TNFRSF11B: variants seen among roughly 807,000 people sequenced by gnomAD.
TNFRSF11B encodes TNF receptor superfamily member 11b.
In TNFRSF11B, 16 loss-of-function variants were observed where a neutral mutation model predicts 43.4. The observed-to-expected ratio is 0.37, with a 90% confidence interval of 0.25 to 0.56. TNFRSF11B has a LOEUF of 0.56. Ranked by LOEUF, TNFRSF11B falls within the 20% of genes least tolerant of loss-of-function variation. The pLI is 0.80. For synonymous variants in TNFRSF11B, 185 were observed against 181.8 expected, an observed-to-expected ratio of 1.02 and a Z score of -0.14; for missense variants, 444 against 490.1, an observed-to-expected ratio of 0.91 and a Z score of 0.89.
chr8:118,943,456 C>T (rs1339282313), intron 1 of TNFRSF11B, among the ~76,000 whole-genome samples: 1 of 152,044 alleles, frequency 6.6e-6, no homozygotes, highest in Non-Finnish European at 1.5e-5. Flanking sequence ...ACTCTGGGTT[C>T]AGGGTATCCA....
At chr8:118,937,500 G>T (rs763961662) in intron 1 of TNFRSF11B, among the ~76,000 whole-genome samples, 1 of 152,208 alleles carries the variant, frequency 6.6e-6, no homozygotes, top group African/African-American at 2.4e-5. Flanking sequence ...TACCAGTGGA[G>T]TTGCATGCTT....
chr8:118,951,770 G>A (rs200425980), intron 1 of TNFRSF11B, 22 bp downstream of exon 1: 39 of 1,582,324 alleles, frequency 2.5e-5, no homozygotes, highest in African/African-American at 5.4e-5. Context: ...CCGGGCACCC[G>A]TCGGCTGGCC....
At chr8:118,930,090 A>G (rs1244435695) in intron 2 of TNFRSF11B, among the ~76,000 whole-genome samples, 1 of 152,242 alleles carries the variant, frequency 6.6e-6, no homozygotes. Flanking sequence ...CAGGAGGGGA[A>G]AACACAGCCT....
At chr8:118,934,795 A>T (rs920294676) in intron 1 of TNFRSF11B, among the ~76,000 whole-genome samples, 1 of 152,188 alleles carries the variant, frequency 6.6e-6, no homozygotes, top group Admixed American at 6.5e-5. Context: ...GAATTCAGGA[A>T]ATCTCACAGG....
intron 1 of TNFRSF11B, among the ~76,000 whole-genome samples, chr8:118,947,894 G>A (rs1296281352): frequency 6.6e-6 from 1 of 152,140 alleles, no homozygotes; most frequent in Non-Finnish European, 1.5e-5. Flanking sequence ...ACAAAAAGAT[G>A]TCAGCATATC....
In TNFRSF11B at chr8:118,933,288, A is replaced by G; in HGVS notation, c.43T>C (p.Ser15Pro). The G allele has an allele frequency of 6.2e-7, 1 of 1,613,692 alleles. No individual in the cohort carries two copies. The highest frequency in any genetic ancestry group is 8.5e-7 in the Non-Finnish European group (1 of 1,180,026). The change falls in exon 2 of 5, where the codon TCC becomes CCC. Residue 15 changes from serine to proline, a missense_variant. Physicochemically the swap from Ser to Pro is moderately conservative, Grantham distance 74 (BLOSUM62 -1). Transcript: ENST00000297350. ...GTTTCCTGGGTGGTCCACTTAATGGAGATGTCCAGAAACTAGAAGGAGAAA... is the reference window on the plus strand; with the variant it reads ...GTTTCCTGGGTGGTCCACTTAATGGGGATGTCCAGAAACTAGAAGGAGAAA... ...LCCALVFLDISIKWTTQETFP... is the reference protein window; with the variant it reads ...LCCALVFLDIPIKWTTQETFP...
At chr8:118,935,901 T>G (rs1353103872) in intron 1 of TNFRSF11B, among the ~76,000 whole-genome samples, 2 of 152,082 alleles carry the variant, frequency 1.3e-5, no homozygotes, top group Non-Finnish European at 2.9e-5. Flanking sequence ...TTCCCACTGG[T>G]CTCCCTTTCC....
chr8:118,932,924 C>A lies in TNFRSF11B; in HGVS notation c.400+7G>T. On this transcript the variant is annotated splice_region_variant and intron_variant, in intron 2 of 4. Coordinates refer to ENST00000297350, the MANE Select transcript of TNFRSF11B (RefSeq NM_002546.4). Reference sequence around the variant, plus strand: ...CCTAATTAATTTTGCTGCACATTGACACGTACCAGCTTGCACCACTCCAAA... The same window carrying A: ...CCTAATTAATTTTGCTGCACATTGAAACGTACCAGCTTGCACCACTCCAAA... 1 of 1,614,116 alleles carries A rather than the reference C, an allele frequency of 6.2e-7. No individual in the cohort carries two copies. The highest frequency in any genetic ancestry group is 1.1e-5 in the South Asian group (1 of 91,080).
chr8:118,951,736 A>T, intron 1 of TNFRSF11B, 56 bp downstream of exon 1: 1 of 1,523,230 alleles, frequency 6.6e-7, no homozygotes, highest in Non-Finnish European at 8.9e-7. Flanking sequence ...TTGGGAGACC[A>T]GGTGGCAGCA....
rs374594601 is a variant in TNFRSF11B at position 118,926,582 on chromosome 8, T to A, written c.729A>T (p.Gln243His). 1.4e-4 allele frequency: 218 copies of A among 1,614,030 alleles called. No individual in the cohort carries two copies. Among genetic ancestry groups the A allele is most frequent in the Non-Finnish European group, 1.8e-4 (208 of 1,180,012 alleles). Residue 243 changes from glutamine (Q) to histidine (H), a missense_variant, in exon 4 of 5, where the codon CAA becomes CAT. By Grantham distance (24) the Gln-to-His change is conservative (BLOSUM62 0). Coordinates refer to ENST00000297350, the MANE Select transcript of TNFRSF11B (RefSeq NM_002546.4). ...NAESVERIKR[Q>H]HSSQEQTFQL... Reference sequence around the variant, plus strand: ...GGAAAGTCTGTTCTTGTGAGCTGTGTTGCCGTTTTATCCTCTCTACACTCT... The same window carrying A: ...GGAAAGTCTGTTCTTGTGAGCTGTGATGCCGTTTTATCCTCTCTACACTCT...
intron 1 of TNFRSF11B, among the ~76,000 whole-genome samples, chr8:118,945,477 T>C (rs1295071192): frequency 6.6e-6 from 1 of 152,084 alleles, no homozygotes; most frequent in Admixed American, 6.6e-5. Context: ...AATACACACA[T>C]TCATAACTTC....
At chr8:118,928,681 CAGAG>C (rs10554146) in intron 3 of TNFRSF11B, 53 bp downstream of exon 3, 3 of 1,583,456 alleles carry the variant, frequency 1.9e-6, no homozygotes, top group Non-Finnish European at 2.6e-6. Flanking sequence ...GTGTTCAACT[CAGAG>C]AGAGAGATGA....
At chr8:118,928,657 T>C in intron 3 of TNFRSF11B, 81 bp downstream of exon 3, 1 of 1,465,148 alleles carries the variant, frequency 6.8e-7, no homozygotes, top group Non-Finnish European at 9.5e-7. Flanking sequence ...ACCAAGAATG[T>C]GGCTGGAGGC....
intron 3 of TNFRSF11B, among the ~76,000 whole-genome samples, 200 bp from the exon 4 acceptor site, chr8:118,926,918 T>TTTG (rs2129882756): frequency 6.6e-6 from 1 of 152,368 alleles, no homozygotes; most frequent in East Asian, 1.9e-4. Context: ...TGTCTTCTAA[T>TTTG]GTTCTTTTTT....
chr8:118,924,610 GGTC>G lies in TNFRSF11B; in HGVS notation c.967_969del (p.Asp323del). The G allele has an allele frequency of 1.2e-6, 2 of 1,614,118 alleles. No homozygotes were observed. Among genetic ancestry groups the G allele is most frequent in the Non-Finnish European group, 1.7e-6 (2 of 1,180,028 alleles). ...CACAAACTGAGCAGCTTCAGGATCTGGTCACTGGGTTTGCATGCCTTTATTGTT... is the reference window on the plus strand; with the variant it reads ...CACAAACTGAGCAGCTTCAGGATCTGACTGGGTTTGCATGCCTTTATTGTT... On this transcript the variant is annotated inframe_deletion, in exon 5 of 5. Transcript: ENST00000297350.
At chr8:118,931,867 C>A (rs1812334444) in intron 2 of TNFRSF11B, among the ~76,000 whole-genome samples, 3 of 152,058 alleles carry the variant, frequency 2.0e-5, no homozygotes, top group Admixed American at 2.0e-4. Flanking sequence ...CTGTTCTCAA[C>A]CAGGAGTGAT....
intron 1 of TNFRSF11B, among the ~76,000 whole-genome samples, chr8:118,948,197 G>C (rs1812593836): frequency 6.6e-6 from 1 of 152,146 alleles, no homozygotes; most frequent in Admixed American, 6.5e-5. Context: ...AACATAAGGA[G>C]CAGCTAGACA....
intron 2 of TNFRSF11B, among the ~76,000 whole-genome samples, chr8:118,931,019 G>A (rs1165106716): frequency 6.6e-6 from 1 of 152,094 alleles, no homozygotes; most frequent in Non-Finnish European, 1.5e-5. Flanking sequence ...ATTATAACCT[G>A]CCAGGCAAAA....
At position 118,923,841 on chromosome 8, in the gene TNFRSF11B, A is replaced by C. The variant is rs982392993; in HGVS notation, c.*533T>G. On this transcript the variant is annotated 3_prime_UTR_variant, in exon 5 of 5. Coordinates refer to ENST00000297350, the MANE Select transcript of TNFRSF11B (RefSeq NM_002546.4). ...ATTAAAAATATATATTTTCTCTTTC[A>C]TTTGTCATAATAAACAGAATATAAT... The C allele has an allele frequency of 7.2e-5, 11 of 152,634 alleles. No homozygotes were observed. The highest frequency in any genetic ancestry group is 2.2e-4 in the African/African-American group (9 of 41,456). 9.5% of individuals were successfully genotyped at this position (152,634 alleles called of 1,614,324 possible). A position where few individuals can be genotyped will look rare whatever the true frequency, so the allele number is the denominator to read the frequency against.
Sources: allele counts gnomAD v4.1 joint callset (sites outside exome capture counted in the v4.1 genomes callset), GRCh38; gene constraint gnomAD v4.1.1; transcripts MANE v1.5; gene names NCBI Gene and HGNC (gene_info 2026-07-23, HGNC 2026-07-21).